The following CHI3L1 variants were observed in gnomAD, a reference collection of about 807,000 sequenced individuals.
CHI3L1 encodes chitinase-3-like protein 1.
CHI3L1 carries 30 observed loss-of-function variants against 40.7 expected under a neutral mutation model. The observed-to-expected ratio is 0.74, with a 90% CI of 0.55 to 1.00. The LOEUF (loss-of-function observed/expected upper bound fraction) is 1.00, where lower values mean the gene tolerates loss of function less well. Among genes scored for constraint, CHI3L1 ranks in the 50% least tolerant of loss-of-function variants. The pLI, the probability that CHI3L1 is intolerant of heterozygous loss-of-function variation, is 0.00. For missense variants in CHI3L1, 493 were observed against 492.2 expected, an observed-to-expected ratio of 1.00 and a Z score of -0.01; for synonymous variants, 210 against 192.1, an observed-to-expected ratio of 1.09 and a Z score of -0.77.
Position 203,184,720 on chromosome 1 carries a change from G to T in CHI3L1, c.258-88C>A, listed in dbSNP as rs552361269. 2.2e-5 allele frequency: 26 copies of T among 1,165,420 alleles called. No individual in the cohort carries two copies. In the African/African-American group the frequency reaches 3.2e-4, roughly 14 times the overall value. The allele number at this position is 1,165,420 out of a possible 1,614,324, so 72.2% of individuals were successfully genotyped here. On this transcript the variant is annotated intron_variant, in intron 3 of 9. Coordinates refer to ENST00000255409, the MANE Select transcript of CHI3L1 (RefSeq NM_001276.4). Reference sequence around the variant, plus strand: ...CCCCATGTCTGAGAGGCCATAGAAGGTTTCCTGCTTTGGGTGAGAGGCTGG... The same window carrying T: ...CCCCATGTCTGAGAGGCCATAGAAGTTTTCCTGCTTTGGGTGAGAGGCTGG...
chr1:203,183,648 A>C lies in CHI3L1; in HGVS notation c.458T>G (p.Leu153Arg), dbSNP rs746544602. 3.7e-6 allele frequency: 6 copies of C among 1,614,102 alleles called. No individual in the cohort carries two copies. In the South Asian group the frequency reaches 6.6e-5, roughly 18 times the overall value. The change falls in exon 5 of 10, where the codon CTA (leucine) becomes CGA (arginine). Residue 153 changes from leucine to arginine, a missense_variant. Coordinates refer to ENST00000255409, the MANE Select transcript of CHI3L1 (RefSeq NM_001276.4). ...GRRDKQHFTT[L>R]IKEMKAEFIK... is the part of the protein sequence containing the mutation. The stretch of plus-strand genomic sequence containing the variant: ...CCCTGACCTGACCAGCACCTTGATT[A>C]GGGTGGTAAAATGCTGTTTGTCTCT...
At chr1:203,185,447 C>T in intron 2 of CHI3L1, 62 bp from the exon 3 acceptor site, 3 of 1,471,474 alleles carry the variant, frequency 2.0e-6, no homozygotes, top group Non-Finnish European at 2.8e-6. Flanking sequence ...CAGGCTGAGC[C>T]CAGAGCTGAG....
intron 2 of CHI3L1, among the ~76,000 whole-genome samples, chr1:203,185,768 G>C (rs143843725): frequency 2.0e-5 from 3 of 152,312 alleles, no homozygotes; most frequent in Admixed American, 6.5e-5. Flanking sequence ...CTGTGTCACA[G>C]ATGGCCCTGG....
At position 203,183,765 on chromosome 1, in the gene CHI3L1, T is replaced by G. The variant is rs1393956337; in HGVS notation, c.341A>C (p.Gln114Pro). Reference protein sequence around the residue: ...QRFSKIASNTQSRRTFIKSVP... With the variant: ...QRFSKIASNTPSRRTFIKSVP... ...TGACTTGATGAAAGTCCGGCGACTC[T>G]GGGTGTTGGAGGCTATCTTGGAAAA... Residue 114 changes from glutamine (Q) to proline (P), a missense_variant, in exon 5 of 10, where the codon CAG (glutamine) becomes CCG (proline). Coordinates refer to ENST00000255409, the MANE Select transcript of CHI3L1 (RefSeq NM_001276.4). 6.2e-7 allele frequency: 1 copy of G among 1,614,086 alleles called. No homozygotes were observed. Among genetic ancestry groups the G allele is most frequent in the Admixed American group, 1.7e-5 (1 of 60,006 alleles).
rs1048521804 is a variant in CHI3L1 at position 203,179,264 on chromosome 1, C to T, written c.*181G>A. 1 of 527,976 alleles carries T rather than the reference C, an allele frequency of 1.9e-6. No individual in the cohort carries two copies. The highest frequency in any genetic ancestry group is 3.3e-6 in the Non-Finnish European group (1 of 301,546). 32.7% of individuals were successfully genotyped at this position (527,976 alleles called of 1,614,324 possible). On this transcript the variant is annotated 3_prime_UTR_variant, in exon 10 of 10. Coordinates refer to ENST00000255409, the MANE Select transcript of CHI3L1 (RefSeq NM_001276.4). ...CACTATCCCCACAGCCCCATCCCTA[C>T]CTCTCTGCCCACCAGGGCTGAGCTC... is the stretch of plus-strand genomic sequence containing the variant.
intron 2 of CHI3L1, 103 bp from the exon 3 acceptor site, chr1:203,185,488 G>T: frequency 1.1e-6 from 1 of 944,890 alleles, no homozygotes; most frequent in Non-Finnish European, 1.7e-6. Context: ...GGGTAGGGAG[G>T]AGTGGGGTGC....
rs571796061 is a variant in CHI3L1 at position 203,182,968 on chromosome 1, G to A, written c.466-116C>T. 36 of 1,059,224 alleles carry A rather than the reference G, an allele frequency of 3.4e-5. No homozygotes were observed. In the African/African-American group the frequency reaches 4.9e-4, roughly 14 times the overall value. 65.6% of individuals were successfully genotyped at this position (1,059,224 alleles called of 1,614,324 possible). Reference sequence around the variant, plus strand: ...TTTGCTGTACTCCCCAACCTGCCTGGGGCCTAGTGGAAGTGATAAAGTGGC... The same window carrying A: ...TTTGCTGTACTCCCCAACCTGCCTGAGGCCTAGTGGAAGTGATAAAGTGGC... On this transcript the variant is annotated intron_variant, in intron 5 of 9. Transcript: ENST00000255409.
In CHI3L1 at chr1:203,186,246, C is replaced by T. The variant is rs904985015; in HGVS notation, c.55+70G>A. 4.0e-6 allele frequency: 6 copies of T among 1,509,140 alleles called. No homozygotes were observed. The Admixed American group carries it at 1.2e-4, about 29-fold the overall frequency. 93.5% of individuals were successfully genotyped at this position (1,509,140 alleles called of 1,614,324 possible). ...CAAAGTGTTCCCTTGGAGCTAAGAC[C>T]TCCTCCACACCTGCCCTGTGCCCTC... On this transcript the variant is annotated intron_variant, in intron 2 of 9. Coordinates refer to ENST00000255409, the MANE Select transcript of CHI3L1 (RefSeq NM_001276.4).
intron 8 of CHI3L1, 61 bp downstream of exon 8, chr1:203,180,409 T>A (rs1054948328): frequency 1.4e-5 from 19 of 1,403,340 alleles, no homozygotes; most frequent in Non-Finnish European, 1.8e-5. Context: ...TGGTGGGGAA[T>A]CACCTTCCCC....
In CHI3L1 at chr1:203,185,309, A is replaced by AGG. The variant is rs1656033419; in HGVS notation, c.131_132insCC (p.Ala45LeufsTer18). ...GGGTACAGAGGAAGCGGTCAAGGGCATCTGGGAAGCAGCTCCCATCGCCTT... is the reference window on the plus strand; with the variant it reads ...GGGTACAGAGGAAGCGGTCAAGGGCAGGTCTGGGAAGCAGCTCCCATCGCCTT... On this transcript the variant is annotated frameshift_variant, in exon 3 of 10. Coordinates refer to ENST00000255409, the MANE Select transcript of CHI3L1 (RefSeq NM_001276.4). LOFTEE classifies it high-confidence loss of function. The AGG allele has an allele frequency of 6.2e-7, 1 of 1,614,212 alleles. No individual in the cohort carries two copies. Among genetic ancestry groups the AGG allele is most frequent in the South Asian group, 1.1e-5 (1 of 91,088 alleles).
Position 203,182,824 on chromosome 1 carries a change from GCTTC to G in CHI3L1, c.490_493del (p.Glu164ProfsTer40). 2.5e-6 allele frequency: 4 copies of G among 1,614,152 alleles called. No homozygotes were observed. Among genetic ancestry groups the G allele is most frequent in the Non-Finnish European group, 3.4e-6 (4 of 1,179,998 alleles). ...CAGGAGCTGCTTTTTCCCTGGCTGG[GCTTC>G]CTTTATAAATTCGGCCTTCATTTCC... is the stretch of plus-strand genomic sequence containing the variant. On this transcript the variant is annotated frameshift_variant, in exon 6 of 10. Transcript: ENST00000255409. LOFTEE classifies it high-confidence loss of function.
At position 203,183,779 on chromosome 1, in the gene CHI3L1, T is replaced by G; in HGVS notation, c.327A>C (p.Ile109=). 6.2e-7 allele frequency: 1 copy of G among 1,614,216 alleles called. No individual in the cohort carries two copies. The highest frequency in any genetic ancestry group is 1.6e-4 in the Middle Eastern group (1 of 6,062). ...TCCGGCGACTCTGGGTGTTGGAGGC[T>G]ATCTTGGAAAATCTAGGACCAAAAT... ...WNFGSQRFSK[I]ASNTQSRRTF... is the part of the protein sequence containing the mutation. The change falls in exon 5 of 10, where the codon ATA becomes ATC. Residue 109 remains isoleucine (I), a synonymous_variant. Transcript: ENST00000255409.
chr1:203,186,427 A>ACCCCCCCC, intron 1 of CHI3L1, 82 bp from the exon 2 acceptor site: 3 of 750,642 alleles, frequency 4.0e-6, no homozygotes, highest in Non-Finnish European at 5.3e-6. Flanking sequence ...ACTGAGACCC[A>ACCCCCCCC]CCTCCCCCAC....
chr1:203,181,063 G>A, intron 7 of CHI3L1, 99 bp downstream of exon 7: 3 of 1,441,632 alleles, frequency 2.1e-6, no homozygotes, highest in South Asian at 2.8e-5. Flanking sequence ...CCCCCCTCTT[G>A]CAGGACTGTA....
chr1:203,179,375 G>C lies in CHI3L1; in HGVS notation c.*70C>G. ...GGGACTCAGCAGGGCAGGTGATCAG[G>C]CTCCCGGCCAGCTGGAGCCAGAGGG... On this transcript the variant is annotated 3_prime_UTR_variant, in exon 10 of 10. Transcript: ENST00000255409. 7.1e-7 allele frequency: 1 copy of C among 1,408,446 alleles called. No homozygotes were observed. Among genetic ancestry groups the C allele is most frequent in the South Asian group, 1.4e-5 (1 of 71,166 alleles). 87.2% of individuals were successfully genotyped at this position (1,408,446 alleles called of 1,614,324 possible).
At chr1:203,180,747 G>A (rs1184247988) in intron 7 of CHI3L1, 95 bp from the exon 8 acceptor site, 15 of 902,372 alleles carry the variant, frequency 1.7e-5, no homozygotes, top group African/African-American at 5.1e-5. Flanking sequence ...GGTTATTGGT[G>A]TATGGTGCAC....
chr1:203,186,690 C>T lies in CHI3L1; in HGVS notation c.-67G>A. 1.3e-6 allele frequency: 2 copies of T among 1,586,784 alleles called. No individual in the cohort carries two copies. The highest frequency in any genetic ancestry group is 1.7e-6 in the Non-Finnish European group (2 of 1,155,914). On this transcript the variant is annotated 5_prime_UTR_variant, in exon 1 of 10. Coordinates refer to ENST00000255409, the MANE Select transcript of CHI3L1 (RefSeq NM_001276.4). ...TGCCCACGGCTCCTGGTGCCAGCTA[C>T]CTAGACAGGGCCTCTTCCCCAGGCC...
In CHI3L1 at chr1:203,182,727, T is replaced by A. The variant is rs1467632983; in HGVS notation, c.587+4A>T. ...GGGGAGGCTGCCTGGGGCAGGAGAC[T>A]CACTGGGATATCTTGGCAATGTCAT... On this transcript the variant is annotated splice_donor_region_variant and intron_variant, in intron 6 of 9. Transcript: ENST00000255409. The A allele has an allele frequency of 1.2e-6, 2 of 1,613,890 alleles. No individual in the cohort carries two copies. Among genetic ancestry groups the A allele is most frequent in the Non-Finnish European group, 1.7e-6 (2 of 1,179,954 alleles).
intron 8 of CHI3L1, 67 bp downstream of exon 8, chr1:203,180,403 G>A (rs1655908618): frequency 7.2e-7 from 1 of 1,385,660 alleles, no homozygotes; most frequent in Non-Finnish European, 9.8e-7. Flanking sequence ...AGAACGTGGT[G>A]GGGAATCACC....
Sources: gnomAD v4.1 joint callset for allele counts (sites outside exome capture counted in the v4.1 genomes callset) on GRCh38, gnomAD v4.1.1 for gene constraint, MANE v1.5 for transcripts, NCBI Gene and HGNC (gene_info 2026-07-23, HGNC 2026-07-21) for gene names.